KLK13: variants seen among roughly 807,000 people sequenced by gnomAD.
The protein encoded by KLK13 is kallikrein-13.
A neutral mutation model predicts 22.4 loss-of-function variants in KLK13; 19 were observed. That is an observed-to-expected ratio of 0.85 (90% confidence interval 0.59 to 1.24). KLK13 has a LOEUF of 1.24. Among genes scored for constraint, KLK13 ranks in the 50% most tolerant of loss-of-function variants. The pLI is 0.00. For missense variants in KLK13, 311 were observed against 347.9 expected (o/e 0.89, Z 0.84); for synonymous variants, 156 against 141.8 (o/e 1.10, Z -0.71).
chr19:51,061,591 C>G (rs2091732061), intron 1 of KLK13, among the ~76,000 whole-genome samples: 2 of 152,188 alleles, frequency 1.3e-5, no homozygotes, highest in African/African-American at 4.8e-5. Context: ...TTTTATCTCC[C>G]AAATATCCAG....
At position 51,055,973 on chromosome 19, in the gene KLK13, G is replaced by A. The variant is rs1003616539; in HGVS notation, c.*614C>T. On this transcript the variant is annotated 3_prime_UTR_variant, in exon 5 of 5. Transcript: ENST00000595793. ...TTGGAAGAATGTGGGATGTAGGTTG[G>A]GTTGGGACTTCTGAGACACCCATAA... 6.6e-6 allele frequency among the ~76,000 whole-genome samples: 1 copy of A among 152,184 alleles called. No homozygotes were observed. The highest frequency in any genetic ancestry group is 2.4e-5 in the African/African-American group (1 of 41,444).
rs768423401 is a variant in KLK13 at position 51,056,664 on chromosome 19, T to C, written c.757A>G (p.Arg253Gly). ...GTTTCACGGATCCACAGGACGTATC[T>C]TGAGACACGGGTGTAGACACCAGGC... ...DRPGVYTRVS[R>G]YVLWIRETIR... Residue 253 changes from arginine to glycine, a missense_variant, in exon 5 of 5, where the codon AGA becomes GGA. Coordinates refer to ENST00000595793, the MANE Select transcript of KLK13 (RefSeq NM_015596.3). 6 of 1,614,076 alleles carry C rather than the reference T, an allele frequency of 3.7e-6. No individual in the cohort carries two copies. The Admixed American group carries it at 5.0e-5, about 13-fold the overall frequency.
chr19:51,058,830 C>T (rs878946561), intron 3 of KLK13, among the ~76,000 whole-genome samples, 156 bp from the exon 4 acceptor site: 1 of 151,310 alleles, frequency 6.6e-6, no homozygotes, highest in African/African-American at 2.4e-5. Context: ...GGTAAAGCAA[C>T]GGAAGTGACA....
chr19:51,063,847 C>T (rs1482160555), intron 1 of KLK13: 2 of 463,544 alleles, frequency 4.3e-6, no homozygotes, highest in Admixed American at 2.3e-5. Context: ...TGGCTTGGCT[C>T]CTTGAAGTCT....
In KLK13 at chr19:51,060,474, GACCAGGACTC is replaced by G; in HGVS notation, c.188_197del (p.Gly63AlafsTer13). 2 of 1,613,676 alleles carry G rather than the reference GACCAGGACTC, an allele frequency of 1.2e-6. No individual in the cohort carries two copies. The highest frequency in any genetic ancestry group is 1.7e-6 in the Non-Finnish European group (2 of 1,179,772). On this transcript the variant is annotated frameshift_variant, in exon 2 of 5. Transcript: ENST00000595793. LOFTEE classifies it high-confidence loss of function. ...CGGCAGTGAGGACCCATTTGGGGTG[GACCAGGACTC>G]CCCCACAGAGTAGCCGCCCTTGCAC...
intron 1 of KLK13, among the ~76,000 whole-genome samples, chr19:51,064,169 A>G (rs2122716411): frequency 6.6e-6 from 1 of 152,030 alleles, no homozygotes; most frequent in Admixed American, 6.5e-5. Flanking sequence ...AACAATCTAG[A>G]AGGTTCTGGA....
chr19:51,060,011 G>A lies in KLK13; in HGVS notation c.322C>T (p.Pro108Ser). Residue 108 changes from proline to serine, a missense_variant, in exon 3 of 5, where the codon CCC becomes TCC. By Grantham distance (74) the Pro-to-Ser change is moderately conservative. Transcript: ENST00000595793. ...GGGCTTCTCCGGTATTCAGGGTGGG[G>A]GATAGAGTGGACAACTTCCCTCACC... is the stretch of plus-strand genomic sequence containing the variant. ...EQVREVVHSIPHPEYRRSPTH... is the reference protein window; with the variant it reads ...EQVREVVHSISHPEYRRSPTH... 1.2e-6 allele frequency: 2 copies of A among 1,613,764 alleles called. No individual in the cohort carries two copies. The highest frequency in any genetic ancestry group is 1.7e-6 in the Non-Finnish European group (2 of 1,179,808).
Position 51,056,452 on chromosome 19 carries a change from G to A in KLK13, c.*135C>T. 1.1e-6 allele frequency: 1 copy of A among 913,448 alleles called. No homozygotes were observed. The highest frequency in any genetic ancestry group is 1.6e-5 in the South Asian group (1 of 62,566). The allele number at this position is 913,448 out of a possible 1,614,324, so 56.6% of individuals were successfully genotyped here. ...AATGCTTCTGAAACATGGAATGTTA[G>A]CTGAGATTGAGCATTTTTCAGGACA... On this transcript the variant is annotated 3_prime_UTR_variant, in exon 5 of 5. Transcript: ENST00000595793.
chr19:51,064,312 AC>A lies in KLK13; in HGVS notation c.52+703del, dbSNP rs1382283150. On this transcript the variant is annotated intron_variant, in intron 1 of 4. Coordinates refer to ENST00000595793, the MANE Select transcript of KLK13 (RefSeq NM_015596.3). ...AGACCAGCCTAACCAACATGGCGAA[AC>A]CCCGTCTCTGCTGAAAATACAAAAA... Among the ~76,000 whole-genome samples, 3 of 151,962 alleles carry A rather than the reference AC, an allele frequency of 2.0e-5. No individual in the cohort carries two copies. The East Asian group carries it at 5.8e-4, about 30-fold the overall frequency.
chr19:51,060,327 C>T (rs2122696142), intron 2 of KLK13, 106 bp downstream of exon 2: 1 of 1,247,614 alleles, frequency 8.0e-7, no homozygotes, highest in Non-Finnish European at 1.1e-6. Context: ...CTCCCATGTC[C>T]ATCCCCAACC....
chr19:51,060,061 AG>A lies in KLK13; in HGVS notation c.271del (p.Leu91Ter). ...CTGCTCACCAGCTTCCACACGCCCT[AG>A]GGCGTGCTTGCCTAGGTAAACTTTG... is the stretch of plus-strand genomic sequence containing the variant. Reference protein sequence around the residue: ...GLKVYLGKHALGRVEAGEQVR... With the variant: ...GLKVYLGKHAXGRVEAGEQVR... On this transcript the variant is annotated frameshift_variant, in exon 3 of 5. Coordinates refer to ENST00000595793, the MANE Select transcript of KLK13 (RefSeq NM_015596.3). LOFTEE classifies it high-confidence loss of function. 6.2e-7 allele frequency: 1 copy of A among 1,613,688 alleles called. No homozygotes were observed. The highest frequency in any genetic ancestry group is 8.5e-7 in the Non-Finnish European group (1 of 1,179,792).
At chr19:51,061,128 T>A (rs2091726456) in intron 1 of KLK13, among the ~76,000 whole-genome samples, 1 of 151,896 alleles carries the variant, frequency 6.6e-6, no homozygotes, top group South Asian at 2.1e-4. Context: ...CATCCATCCA[T>A]CCATCCAACC....
Position 51,058,571 on chromosome 19 carries a change from G to A in KLK13, c.612C>T (p.Ala204=), listed in dbSNP as rs781158309. 30 of 1,613,924 alleles carry A rather than the reference G, an allele frequency of 1.9e-5. No individual in the cohort carries two copies. The highest frequency in any genetic ancestry group is 4.4e-5 in the South Asian group (4 of 91,074). ...AGTCTTTGCCACCCTCTTTTGTGCC[G>A]GCACACAACATGTTGTCAGTGATCT... is the stretch of plus-strand genomic sequence containing the variant. ...PGKITDNMLC[A]GTKEGGKDSC... Residue 204 remains alanine, a synonymous_variant, in exon 4 of 5, where the codon GCC becomes GCT. Coordinates refer to ENST00000595793, the MANE Select transcript of KLK13 (RefSeq NM_015596.3).
At chr19:51,058,169 C>T (rs2091692880) in intron 4 of KLK13, among the ~76,000 whole-genome samples, 1 of 152,194 alleles carries the variant, frequency 6.6e-6, no homozygotes, top group South Asian at 2.1e-4. Context: ...ATTCCAAACA[C>T]ACAATTTGCA....
intron 1 of KLK13, chr19:51,064,487 C>CAA (rs35554667): frequency 0.015 from 2,393 of 157,320 alleles, no homozygotes; most frequent in East Asian, 0.034. Flanking sequence ...GGTTCCATCT[C>CAA]AAAAAAAAAA....
Position 51,065,058 on chromosome 19 carries a change from G to A in KLK13, c.10C>T (p.Leu4=). 6.5e-7 allele frequency: 1 copy of A among 1,546,194 alleles called. No homozygotes were observed. Among genetic ancestry groups the A allele is most frequent in the Non-Finnish European group, 8.7e-7 (1 of 1,144,350 alleles). The change falls in exon 1 of 5, where the codon CTG becomes TTG. Residue 4 remains leucine (L), a synonymous_variant. Transcript: ENST00000595793. MWP[L]ALVIASLTLA... ...GTCAGGGAGGCGATCACTAGGGCCA[G>A]GGGCCACATGGCTCCGGGATCGGGA...
intron 1 of KLK13, among the ~76,000 whole-genome samples, chr19:51,063,117 C>T (rs1013454307): frequency 3.9e-5 from 6 of 152,180 alleles, no homozygotes; most frequent in African/African-American, 1.4e-4. Flanking sequence ...ACTGAGCTCA[C>T]TTTTCAAAGC....
At chr19:51,063,798 G>T (rs1405234038) in intron 1 of KLK13, 2 of 462,226 alleles carry the variant, frequency 4.3e-6, no homozygotes, top group Non-Finnish European at 8.7e-6. Flanking sequence ...CTTTGGGAAG[G>T]CCTCTGGTCG....
intron 1 of KLK13, among the ~76,000 whole-genome samples, chr19:51,064,289 A>G (rs1270439346): frequency 2.6e-5 from 4 of 152,036 alleles, no homozygotes; most frequent in Non-Finnish European, 5.9e-5. Flanking sequence ...GAAGTTCGAG[A>G]CCAGCCTAAC....
Sources: gnomAD v4.1 joint callset for allele counts (sites outside exome capture counted in the v4.1 genomes callset) on GRCh38, gnomAD v4.1.1 for gene constraint, MANE v1.5 for transcripts, NCBI Gene and HGNC (gene_info 2026-07-23, HGNC 2026-07-21) for gene names.